Variants in PCDHGB6 observed in about 807,000 individuals in gnomAD.
PCDHGB6 encodes protocadherin gamma-B6.
PCDHGB6 carries 51 observed loss-of-function variants against 59.1 expected under a neutral mutation model. The ratio of observed to expected loss-of-function variants is 0.86; its 90% CI spans 0.69 to 1.09. The LOEUF (loss-of-function observed/expected upper bound fraction) is 1.09. Ranked by LOEUF, PCDHGB6 falls within the 50% of genes least tolerant of loss-of-function variation. The pLI is 0.00. For missense variants in PCDHGB6, 1,148 were observed against 1,205.1 expected (o/e 0.95, Z 0.70); for synonymous variants, 466 against 495.1 (o/e 0.94, Z 0.78).
chr5:141,488,046 G>A (rs958459817), intron 1 of PCDHGB6, among the ~76,000 whole-genome samples: 1 of 152,182 alleles, frequency 6.6e-6, no homozygotes, highest in African/African-American at 2.4e-5. Flanking sequence ...CCAAGGGATT[G>A]AGGGGAAATA....
rs368585389 is a variant in PCDHGB6, at chr5:141,419,428, G to A, written c.2418+8808G>A. On this transcript the variant is annotated intron_variant, in intron 1 of 3. Coordinates refer to ENST00000520790, the MANE Select transcript of PCDHGB6 (RefSeq NM_018926.3). ...TCGCGCAGCGCGCCTTCGACCACGAGCAGCTGCGCACCTTCGAGCTCACGC... is the reference window on the plus strand; with the variant it reads ...TCGCGCAGCGCGCCTTCGACCACGAACAGCTGCGCACCTTCGAGCTCACGC... 4 of 1,613,192 alleles carry A rather than the reference G, an allele frequency of 2.5e-6. No individual in the cohort carries two copies. In the African/African-American group the frequency reaches 4.0e-5, roughly 16 times the overall value.
At chr5:141,462,271 G>C (rs2099036316) in intron 1 of PCDHGB6, among the ~76,000 whole-genome samples, 1 of 152,174 alleles carries the variant, frequency 6.6e-6, no homozygotes, top group African/African-American at 2.4e-5. Context: ...AAAGTGTATT[G>C]TTTAGTCACC....
At chr5:141,437,264 A>G (rs2097872616) in intron 1 of PCDHGB6, among the ~76,000 whole-genome samples, 2 of 152,228 alleles carry the variant, frequency 1.3e-5, no homozygotes, top group South Asian at 2.1e-4. Context: ...TTTTATGTGT[A>G]TGACAGATGT....
chr5:141,498,523 G>A (rs555386753), intron 2 of PCDHGB6, among the ~76,000 whole-genome samples: 1 of 151,580 alleles, frequency 6.6e-6, no homozygotes, highest in Admixed American at 6.6e-5. Context: ...CTTGCCCACT[G>A]CCCTCCAGCC....
intron 1 of PCDHGB6, chr5:141,492,015 G>A (rs117345436): frequency 3.3e-6 from 2 of 600,492 alleles, no homozygotes; most frequent in African/African-American, 1.9e-5. Context: ...CGCGGGTGTC[G>A]GGGGTCCCGG....
chr5:141,496,083 C>T (rs1267834920), intron 2 of PCDHGB6, among the ~76,000 whole-genome samples: 8 of 151,904 alleles, frequency 5.3e-5, no homozygotes, highest in Admixed American at 3.3e-4. Flanking sequence ...CAACCCCCCA[C>T]CCACCACCCA....
intron 1 of PCDHGB6, among the ~76,000 whole-genome samples, chr5:141,437,922 G>A (rs1039507511): frequency 1.3e-5 from 2 of 152,106 alleles, no homozygotes; most frequent in Admixed American, 6.5e-5. Context: ...ATTTTTAGTA[G>A]AGATGGGGTT....
At chr5:141,495,240 C>T (rs2099759761) in intron 2 of PCDHGB6, among the ~76,000 whole-genome samples, 1 of 152,182 alleles carries the variant, frequency 6.6e-6, no homozygotes, top group South Asian at 2.1e-4. Context: ...TCCATTATGA[C>T]CTGGGGCTCA....
At chr5:141,463,418 C>A (rs1442067485) in intron 1 of PCDHGB6, among the ~76,000 whole-genome samples, 3 of 138,240 alleles carry the variant, frequency 2.2e-5, no homozygotes, top group Admixed American at 7.4e-5. Context: ...TCCTAGTTTG[C>A]GGATCCTCAT....
chr5:141,476,562 C>A lies in PCDHGB6; in HGVS notation c.2419-18245C>A. On this transcript the variant is annotated intron_variant, in intron 1 of 3. Transcript: ENST00000520790. This position sits in a 1 kb window ranked among gnomAD's most constrained non-coding sequence, Gnocchi z 7.6. ...AAATTGGAGATTAGCGAGGCCGTGG[C>A]TCCGGGGACGCGCTTTCCGCTCGAG... 1 of 1,614,218 alleles carries A rather than the reference C, an allele frequency of 6.2e-7. No homozygotes were observed. The highest frequency in any genetic ancestry group is 8.5e-7 in the Non-Finnish European group (1 of 1,180,034).
At chr5:141,421,089 T>A (rs1047424267) in intron 1 of PCDHGB6, 25 of 661,836 alleles carry the variant, frequency 3.8e-5, no homozygotes, top group Middle Eastern at 4.1e-4. Context: ...TCACAGATCC[T>A]GACACTGGAG....
intron 1 of PCDHGB6, among the ~76,000 whole-genome samples, chr5:141,456,824 G>C (rs2098890304): frequency 6.6e-6 from 1 of 152,052 alleles, no homozygotes; most frequent in African/African-American, 2.4e-5. Flanking sequence ...ATTAGCCATC[G>C]TGGTAGTGGG....
At position 141,455,034 on chromosome 5, in the gene PCDHGB6, G is replaced by T. The variant is rs112590950; in HGVS notation, c.2419-39773G>T. 8.3e-3 allele frequency among the ~76,000 whole-genome samples: 1,254 copies of T among 150,894 alleles called. 18 individuals are homozygous for T. Among genetic ancestry groups the T allele is most frequent in the African/African-American group, 0.029 (1,191 of 41,122 alleles). ...TCACCGTGTTAGCCAGGATGGTCTC[G>T]ATCTCCTGACCTCGTGATCCGCCCG... On this transcript the variant is annotated intron_variant, in intron 1 of 3. Coordinates refer to ENST00000520790, the MANE Select transcript of PCDHGB6 (RefSeq NM_018926.3).
chr5:141,426,806 T>C (rs1390972821), intron 1 of PCDHGB6: 1 of 456,600 alleles, frequency 2.2e-6, no homozygotes, highest in Non-Finnish European at 4.4e-6. Context: ...TCAGTTCTAA[T>C]GAACATTTCT....
At chr5:141,471,860 A>G (rs1470502617) in intron 1 of PCDHGB6, among the ~76,000 whole-genome samples, 1 of 152,202 alleles carries the variant, frequency 6.6e-6, no homozygotes, top group Non-Finnish European at 1.5e-5. Flanking sequence ...AAAAAGCAAA[A>G]CTGTGGTTGC....
chr5:141,460,936 A>G (rs189741735), intron 1 of PCDHGB6, among the ~76,000 whole-genome samples: 31 of 149,318 alleles, frequency 2.1e-4, no homozygotes, highest in Non-Finnish European at 3.8e-4. Flanking sequence ...GTGTGTGTGT[A>G]TATATATGTA....
intron 3 of PCDHGB6, among the ~76,000 whole-genome samples, chr5:141,508,629 T>C (rs934648689): frequency 6.6e-6 from 1 of 152,054 alleles, no homozygotes; most frequent in Non-Finnish European, 1.5e-5. Context: ...GGGCCGAGCT[T>C]CTAGCTACTC....
At position 141,490,381 on chromosome 5, in the gene PCDHGB6, A is replaced by T. The variant is rs770046796; in HGVS notation, c.2419-4426A>T. 1 of 1,614,240 alleles carries T rather than the reference A, an allele frequency of 6.2e-7. No homozygotes were observed. The highest frequency in any genetic ancestry group is 1.1e-5 in the South Asian group (1 of 91,090). On this transcript the variant is annotated intron_variant, in intron 1 of 3. Coordinates refer to ENST00000520790, the MANE Select transcript of PCDHGB6 (RefSeq NM_018926.3). This position sits in a 1 kb window ranked among gnomAD's most constrained non-coding sequence, Gnocchi z 5.4. ...TAATGTGCGAGACCGGGACTCAGGT[A>T]GAAATGGTGAAGTGAGCCTTGATAT...
Position 141,409,666 on chromosome 5 carries a change from C to T in PCDHGB6, c.1464C>T (p.Ser488=). 3 of 1,613,554 alleles carry T rather than the reference C, an allele frequency of 1.9e-6. No homozygotes were observed. The highest frequency in any genetic ancestry group is 2.5e-6 in the Non-Finnish European group (3 of 1,179,872). ...ATTTGGGGCTCAATGGCCACATCTC[C>T]TACTCTATAGTGGCGAGTGACCTAG... The part of the protein sequence containing the change: ...DPDLGLNGHI[S]YSIVASDLEP... Residue 488 remains serine, a synonymous_variant, in exon 1 of 4, where the codon TCC becomes TCT. Transcript: ENST00000520790.
Sources: allele counts gnomAD v4.1 joint callset (sites outside exome capture counted in the v4.1 genomes callset), GRCh38; gene constraint gnomAD v4.1.1; non-coding constraint Gnocchi (gnomAD v3.1); transcripts MANE v1.5; gene names NCBI Gene and HGNC (gene_info 2026-07-23, HGNC 2026-07-21).